The following STAG1 variants were observed in gnomAD, a reference collection of about 807,000 sequenced individuals.
STAG1 encodes the protein cohesin subunit SA-1.
In STAG1, 26 loss-of-function variants were observed where a neutral mutation model predicts 170.9. The observed-to-expected ratio is 0.15, with a 90% confidence interval of 0.11 to 0.21. STAG1 has a LOEUF of 0.21. Among genes scored for constraint, STAG1 ranks in the 10% least tolerant of loss-of-function variants. The pLI is 1.00. For missense variants in STAG1, 964 were observed against 1,509.5 expected (o/e 0.64, Z 5.99); for synonymous variants, 514 against 497.7 (o/e 1.03, Z -0.44).
intron 12 of STAG1, among the ~76,000 whole-genome samples, chr3:136,469,688 G>T (rs1256947181): frequency 6.6e-6 from 1 of 152,136 alleles, no homozygotes; most frequent in African/African-American, 2.4e-5. Flanking sequence ...ACAATCCTAA[G>T]CCAAAAGAAC....
At position 136,421,139 on chromosome 3, in the gene STAG1, T is replaced by TGTC; in HGVS notation, c.2059_2061dup (p.Asp687dup). 6.2e-7 allele frequency: 1 copy of TGTC among 1,608,418 alleles called. No individual in the cohort carries two copies. The highest frequency in any genetic ancestry group is 8.5e-7 in the Non-Finnish European group (1 of 1,177,258). ...TTTAATGTAGAAAGAACATTGTAAA[T>TGTC]GTCATCATCATCAGCTTCTTCTCCC... On this transcript the variant is annotated inframe_insertion, in exon 20 of 34. Transcript: ENST00000383202.
chr3:136,579,519 A>G lies in STAG1; in HGVS notation c.298-10658T>C, dbSNP rs531637708. Reference sequence around the variant, plus strand: ...CTTAGGTTGATTTCCTTGTGGTTGTATAACTGAAGCCCTTGACGTCCTGCT... The same window carrying G: ...CTTAGGTTGATTTCCTTGTGGTTGTGTAACTGAAGCCCTTGACGTCCTGCT... On this transcript the variant is annotated intron_variant, in intron 4 of 33. Coordinates refer to ENST00000383202, the MANE Select transcript of STAG1 (RefSeq NM_005862.3). Among the ~76,000 whole-genome samples, 12 of 152,330 alleles carry G rather than the reference A, an allele frequency of 7.9e-5. 1 individual carries two copies. The South Asian group carries it at 2.1e-3, about 26-fold the overall frequency.
At chr3:136,704,007 A>C (rs898151605) in intron 1 of STAG1, among the ~76,000 whole-genome samples, 2 of 151,534 alleles carry the variant, frequency 1.3e-5, no homozygotes, top group Non-Finnish European at 2.9e-5. Flanking sequence ...GCAAGACTCC[A>C]TCTCAAAAAC....
chr3:136,744,240 T>C (rs1934820363), intron 1 of STAG1, among the ~76,000 whole-genome samples: 1 of 152,156 alleles, frequency 6.6e-6, no homozygotes, highest in South Asian at 2.1e-4. Flanking sequence ...GGCCGGAGAA[T>C]TGCTTGAACT....
chr3:136,351,592 G>A lies in STAG1; in HGVS notation c.3066-2229C>T, dbSNP rs555954344. Among the ~76,000 whole-genome samples, 31 of 152,234 alleles carry A rather than the reference G, an allele frequency of 2.0e-4. No individual in the cohort carries two copies. The South Asian group carries it at 5.8e-3, about 29-fold the overall frequency. On this transcript the variant is annotated intron_variant, in intron 28 of 33. Transcript: ENST00000383202. The stretch of plus-strand genomic sequence containing the variant: ...GGAGGAAGCTTCACTGGCAAAAGTG[G>A]TTTAAATACAACCTCTCACCAAACA...
chr3:136,678,997 A>AC (rs1227268573), intron 1 of STAG1, among the ~76,000 whole-genome samples: 5 of 82,724 alleles, frequency 6.0e-5, no homozygotes, highest in African/African-American at 2.7e-4. Flanking sequence ...AATACTTCAC[A>AC]AAAAAAAAAA....
At chr3:136,690,055 C>CCAAAAAAAAAAAAAAAAAAAAAAAA (rs1942668738) in intron 1 of STAG1, among the ~76,000 whole-genome samples, 1 of 53,052 alleles carries the variant, frequency 1.9e-5, no homozygotes, top group Non-Finnish European at 3.8e-5. Flanking sequence ...AAAAAGCAAA[C>CCAAAAAAAAAAAAAAAAAAAAAAAA]CAAAAAAAAA....
At chr3:136,659,163 G>A (rs987637453) in intron 1 of STAG1, among the ~76,000 whole-genome samples, 1 of 152,148 alleles carries the variant, frequency 6.6e-6, no homozygotes, top group African/African-American at 2.4e-5. Flanking sequence ...AGCTGTGAAA[G>A]TGTTTCTTTA....
chr3:136,468,132 C>A (rs949986195), intron 12 of STAG1, among the ~76,000 whole-genome samples: 2 of 152,000 alleles, frequency 1.3e-5, no homozygotes, highest in African/African-American at 2.4e-5. Context: ...CTAAAGCTAG[C>A]AGAAGGCAAG....
chr3:136,449,834 G>A (rs1188641846), intron 14 of STAG1, among the ~76,000 whole-genome samples: 1 of 150,922 alleles, frequency 6.6e-6, no homozygotes, highest in Non-Finnish European at 1.5e-5. Flanking sequence ...AGTTAGCGAA[G>A]ATCATCATAT....
chr3:136,749,744 CAAAAA>C (rs895920877), intron 1 of STAG1, among the ~76,000 whole-genome samples: 3 of 87,184 alleles, frequency 3.4e-5, no homozygotes, highest in Non-Finnish European at 6.9e-5. Context: ...GACTCCATCT[CAAAAA>C]AAAAAAAAAA....
At chr3:136,396,052 G>C (rs1020031483) in intron 22 of STAG1, among the ~76,000 whole-genome samples, 1 of 152,032 alleles carries the variant, frequency 6.6e-6, no homozygotes, top group South Asian at 2.1e-4. Flanking sequence ...ACAGATGTGC[G>C]CCATGATGCC....
chr3:136,508,324 T>C (rs1160433884), intron 7 of STAG1, among the ~76,000 whole-genome samples: 2 of 152,178 alleles, frequency 1.3e-5, no homozygotes, highest in African/African-American at 2.4e-5. Flanking sequence ...GTGGGTCTCA[T>C]GCAATCAGTT....
At chr3:136,503,765 C>G (rs752041388) in intron 7 of STAG1, among the ~76,000 whole-genome samples, 1 of 151,310 alleles carries the variant, frequency 6.6e-6, no homozygotes, top group Non-Finnish European at 1.5e-5. Flanking sequence ...GTTGGAGTTT[C>G]GCTCTTGTTG....
At chr3:136,491,386 T>G (rs998822582) in intron 9 of STAG1, among the ~76,000 whole-genome samples, 4 of 152,230 alleles carry the variant, frequency 2.6e-5, no homozygotes, top group East Asian at 1.9e-4. Context: ...ATCCCTTTAT[T>G]ACTGTGATCT....
chr3:136,496,985 T>A (rs542490627), intron 9 of STAG1, among the ~76,000 whole-genome samples: 2 of 152,186 alleles, frequency 1.3e-5, no homozygotes, highest in South Asian at 2.1e-4. Context: ...GATAGTTTTT[T>A]AATACAACTC....
At chr3:136,634,207 C>G (rs1389469702) in intron 1 of STAG1, among the ~76,000 whole-genome samples, 2 of 151,528 alleles carry the variant, frequency 1.3e-5, no homozygotes, top group Non-Finnish European at 2.9e-5. Flanking sequence ...TTAAAACTAA[C>G]CAGGCGTGGT....
chr3:136,719,898 C>G (rs755445969), intron 1 of STAG1, among the ~76,000 whole-genome samples: 27 of 152,002 alleles, frequency 1.8e-4, no homozygotes, highest in Non-Finnish European at 3.7e-4. Flanking sequence ...GAAGTGAGTC[C>G]GGGAGCGGTG....
At position 136,411,676 on chromosome 3, in the gene STAG1, T is replaced by A. The variant is rs2087627785; in HGVS notation, c.2196+6209A>T. Among the ~76,000 whole-genome samples the A allele has an allele frequency of 3.3e-5, 5 of 152,026 alleles. No individual in the cohort carries two copies. The South Asian group carries it at 1.0e-3, about 32-fold the overall frequency. ...AAAAATAATAATAATAAAGGTCAGG[T>A]GTGGTGGCTCACATCTGTAATCCCA... On this transcript the variant is annotated intron_variant, in intron 21 of 33. Transcript: ENST00000383202.
Sources: gnomAD v4.1 joint callset for allele counts (sites outside exome capture counted in the v4.1 genomes callset) on GRCh38, gnomAD v4.1.1 for gene constraint, MANE v1.5 for transcripts, NCBI Gene and HGNC (gene_info 2026-07-23, HGNC 2026-07-21) for gene names.